Variants in ATP9A observed in about 807,000 individuals in gnomAD.
The protein encoded by ATP9A is probable phospholipid-transporting ATPase IIA.
A neutral mutation model predicts 144.1 loss-of-function variants in ATP9A; 52 were observed. That is an observed-to-expected ratio of 0.36 (90% CI 0.29 to 0.45). The LOEUF (loss-of-function observed/expected upper bound fraction) is 0.45, where lower values mean the gene tolerates loss of function less well. ATP9A is among the 20% of genes least tolerant of loss of function. The pLI is 1.00. For synonymous variants in ATP9A, 582 were observed against 557.4 expected, an observed-to-expected ratio of 1.04 and a Z score of -0.62; for missense variants, 947 against 1,392.7, an observed-to-expected ratio of 0.68 and a Z score of 5.09.
Position 51,633,927 on chromosome 20 carries a change from A to G in ATP9A, c.1669-4855T>C, listed in dbSNP as rs142349885. ...GGGAGGAAGAAAGGGAGGGAGGGAG[A>G]GAGAGAGGGAGGGCAGTTTTGATCC... is the stretch of plus-strand genomic sequence containing the variant. On this transcript the variant is annotated intron_variant, in intron 15 of 27. Transcript: ENST00000338821. Among the ~76,000 whole-genome samples, 261 of 150,084 alleles carry G rather than the reference A, an allele frequency of 1.7e-3. 1 individual carries two copies. Among genetic ancestry groups the G allele is most frequent in the African/African-American group, 6.3e-3 (256 of 40,836 alleles).
intron 1 of ATP9A, among the ~76,000 whole-genome samples, chr20:51,741,843 A>G (rs541391878): frequency 2.8e-4 from 42 of 152,172 alleles, no homozygotes; most frequent in Non-Finnish European, 5.6e-4. Flanking sequence ...CCAAGATGCT[A>G]CTCTCATCTA....
chr20:51,754,070 T>C (rs1019865572), intron 1 of ATP9A, among the ~76,000 whole-genome samples: 1 of 150,842 alleles, frequency 6.6e-6, no homozygotes, highest in African/African-American at 2.4e-5. Context: ...ACATAAACTA[T>C]TCAAGAAGAG....
chr20:51,718,701 G>A (rs1471063082), intron 3 of ATP9A, among the ~76,000 whole-genome samples: 2 of 150,052 alleles, frequency 1.3e-5, no homozygotes, highest in Non-Finnish European at 3.0e-5. Context: ...TGTAATCCCA[G>A]CTACTGGGGA....
chr20:51,612,621 C>T (rs1163416531), intron 23 of ATP9A, among the ~76,000 whole-genome samples: 1 of 152,132 alleles, frequency 6.6e-6, no homozygotes, highest in Non-Finnish European at 1.5e-5. Context: ...GACAGGATTT[C>T]ACCACGTTCA....
At chr20:51,648,993 A>C (rs1265479359) in intron 14 of ATP9A, among the ~76,000 whole-genome samples, 3 of 152,168 alleles carry the variant, frequency 2.0e-5, no homozygotes, top group Non-Finnish European at 4.4e-5. Context: ...CTCAGAAGGT[A>C]GGCTGCCAGG....
chr20:51,619,263 G>T (rs1373304427), intron 19 of ATP9A, among the ~76,000 whole-genome samples: 6 of 152,112 alleles, frequency 3.9e-5, no homozygotes, highest in African/African-American at 1.4e-4. Context: ...TTTCCCCCAG[G>T]ACTAAAAATG....
chr20:51,666,428 C>T (rs1443475034), intron 13 of ATP9A, among the ~76,000 whole-genome samples: 1 of 152,124 alleles, frequency 6.6e-6, no homozygotes, highest in Admixed American at 6.6e-5. Context: ...CGTCTGTAAT[C>T]CCAGCACTTT....
At chr20:51,635,380 G>A (rs1211850084) in intron 15 of ATP9A, among the ~76,000 whole-genome samples, 1 of 152,124 alleles carries the variant, frequency 6.6e-6, no homozygotes, top group African/African-American at 2.4e-5. Flanking sequence ...CTGAGCCAGA[G>A]GACCCAGCCA....
chr20:51,728,489 G>A (rs557875481), intron 2 of ATP9A, among the ~76,000 whole-genome samples: 20 of 152,120 alleles, frequency 1.3e-4, no homozygotes, highest in East Asian at 3.9e-4. Context: ...TTAGCCGGGC[G>A]TGGTGGCGGG....
chr20:51,719,212 C>T (rs1285000758), intron 3 of ATP9A, among the ~76,000 whole-genome samples: 2 of 151,754 alleles, frequency 1.3e-5, no homozygotes, highest in Non-Finnish European at 2.9e-5. Context: ...GCCTCCTGAG[C>T]CCAGAAGCAC....
chr20:51,634,586 G>A (rs2077282893), intron 15 of ATP9A, among the ~76,000 whole-genome samples: 1 of 152,110 alleles, frequency 6.6e-6, no homozygotes, highest in Non-Finnish European at 1.5e-5. Flanking sequence ...GCCGAGCGTG[G>A]CGGCTCACTT....
chr20:51,708,840 G>C (rs1158474770), intron 4 of ATP9A, among the ~76,000 whole-genome samples: 2 of 152,164 alleles, frequency 1.3e-5, no homozygotes, highest in Non-Finnish European at 2.9e-5. Context: ...AAACTGGCCT[G>C]TCCTCTTCGA....
intron 4 of ATP9A, among the ~76,000 whole-genome samples, chr20:51,700,744 C>T (rs908214236): frequency 1.3e-5 from 2 of 152,182 alleles, no homozygotes; most frequent in Admixed American, 6.5e-5. Flanking sequence ...GCAGGAGAAT[C>T]GCTTGAACCC....
chr20:51,619,144 C>T, intron 19 of ATP9A, 101 bp from the exon 20 acceptor site: 2 of 972,116 alleles, frequency 2.1e-6, no homozygotes, highest in Non-Finnish European at 3.1e-6. Context: ...ACGGCCACCC[C>T]AGCCAAGGGT....
chr20:51,643,902 G>A (rs539291318), intron 14 of ATP9A, among the ~76,000 whole-genome samples: 22 of 152,190 alleles, frequency 1.4e-4, no homozygotes, highest in Admixed American at 2.0e-4. Context: ...TTGGGAGGCC[G>A]AGGCAGGAGG....
At chr20:51,745,345 G>A (rs1326206762) in intron 1 of ATP9A, among the ~76,000 whole-genome samples, 1 of 150,724 alleles carries the variant, frequency 6.6e-6, no homozygotes, top group Non-Finnish European at 1.5e-5. Flanking sequence ...TGAGGCAGGA[G>A]AATCGCTTGA....
chr20:51,635,565 C>T (rs2077287210), intron 15 of ATP9A, among the ~76,000 whole-genome samples: 1 of 151,808 alleles, frequency 6.6e-6, no homozygotes, highest in Admixed American at 6.6e-5. Flanking sequence ...TGGTGAGACC[C>T]TATCTTCACT....
intron 13 of ATP9A, among the ~76,000 whole-genome samples, chr20:51,667,933 C>T (rs770738292): frequency 6.0e-5 from 9 of 150,478 alleles, no homozygotes; most frequent in Non-Finnish European, 1.0e-4. Flanking sequence ...TGGTGCATAC[C>T]CAGTGCACAC....
chr20:51,692,381 G>C (rs2077552131), intron 7 of ATP9A, among the ~76,000 whole-genome samples: 1 of 152,240 alleles, frequency 6.6e-6, no homozygotes, highest in African/African-American at 2.4e-5. Context: ...AGTGGCGTAA[G>C]ACAGGCACAG....
Sources: gnomAD v4.1 joint callset for allele counts (sites outside exome capture counted in the v4.1 genomes callset) on GRCh38, gnomAD v4.1.1 for gene constraint, MANE v1.5 for transcripts, NCBI Gene and HGNC (gene_info 2026-07-23, HGNC 2026-07-21) for gene names.